ST18: variants seen among roughly 807,000 people sequenced by gnomAD.
ST18 encodes ST18 C2H2C-type zinc finger transcription factor.
In ST18, 50 loss-of-function variants were observed where a neutral mutation model predicts 110.0. The ratio of observed to expected loss-of-function variants is 0.45; its 90% CI spans 0.36 to 0.58. The LOEUF (loss-of-function observed/expected upper bound fraction) is 0.58. Ranked by LOEUF, ST18 falls within the 20% of genes least tolerant of loss-of-function variation. The pLI is 0.00. For synonymous variants in ST18, 461 were observed against 452.4 expected, an observed-to-expected ratio of 1.02 and a Z score of -0.24; for missense variants, 1,306 against 1,280.1, an observed-to-expected ratio of 1.02 and a Z score of -0.31.
chr8:52,339,952 G>A (rs1814100285), intron 2 of ST18, among the ~76,000 whole-genome samples: 1 of 152,190 alleles, frequency 6.6e-6, no homozygotes. Flanking sequence ...TACCACTGCT[G>A]TTTTCCGTAA....
rs143222941 is a variant in ST18, at chr8:52,305,397, T to C, written c.-464-75320A>G. 7.1e-3 allele frequency among the ~76,000 whole-genome samples: 1,081 copies of C among 152,344 alleles called. 48 individuals carry two copies. Among genetic ancestry groups the C allele is most frequent in the Admixed American group, 0.062 (953 of 15,300 alleles). ...GCTGTCAGCCTCCTTGATCTTCTCC[T>C]TACCCTCATTCCTGTCTTGCTGTCA... On this transcript the variant is annotated intron_variant, in intron 2 of 25. Coordinates refer to ENST00000689386, the MANE Select transcript of ST18 (RefSeq NM_001352837.2).
rs545461784 is a variant in ST18 at position 52,143,029 on chromosome 8, G to A, written c.2069C>T (p.Ser690Phe). Residue 690 changes from serine to phenylalanine, a missense_variant, in exon 17 of 26, where the codon TCT (serine) becomes TTT (phenylalanine). Transcript: ENST00000689386. ...CTTTTTTTCCTCTAAATTTTCTAGAGAGCTCACTGGGTCTTTCTGGAAAAC... is the reference window on the plus strand; with the variant it reads ...CTTTTTTTCCTCTAAATTTTCTAGAAAGCTCACTGGGTCTTTCTGGAAAAC... The part of the protein sequence containing the change: ...EEEKEKDPVS[S>F]LENLEEKKFP... 35 of 1,610,548 alleles carry A rather than the reference G, an allele frequency of 2.2e-5. No individual in the cohort carries two copies. In the East Asian group the frequency reaches 7.1e-4, roughly 33 times the overall value.
At chr8:52,258,761 T>C (rs1024024419) in intron 2 of ST18, among the ~76,000 whole-genome samples, 2 of 152,182 alleles carry the variant, frequency 1.3e-5, no homozygotes, top group Non-Finnish European at 2.9e-5. Context: ...AACCCCAATA[T>C]AGAGTTGAAG....
At chr8:52,390,594 T>G (rs1243846359) in intron 2 of ST18, among the ~76,000 whole-genome samples, 2 of 152,202 alleles carry the variant, frequency 1.3e-5, no homozygotes, top group Non-Finnish European at 2.9e-5. Flanking sequence ...TTGCTTGCAT[T>G]GAGCACTGTA....
rs2058357141 is a variant in ST18 at position 52,149,881 on chromosome 8, T to G, written c.1903A>C (p.Thr635Pro). The change falls in exon 16 of 26, where the codon ACT (threonine) becomes CCT (proline). Residue 635 changes from threonine to proline, a missense_variant. Thr to Pro is a conservative substitution (Grantham distance 38). Transcript: ENST00000689386. ...GAAGAGGAAGGAGTTGGAATAGAAG[T>G]GTTAGAGGAAGTTAGGGGTGCAGAC... Reference protein sequence around the residue: ...DKSAPLTSSNTSIPTPSSSPF... With the variant: ...DKSAPLTSSNPSIPTPSSSPF... 6.2e-7 allele frequency: 1 copy of G among 1,613,970 alleles called. No homozygotes were observed. The highest frequency in any genetic ancestry group is 8.5e-7 in the Non-Finnish European group (1 of 1,180,016).
chr8:52,170,517 C>T (rs1466982310), intron 10 of ST18, among the ~76,000 whole-genome samples: 1 of 151,620 alleles, frequency 6.6e-6, no homozygotes, highest in East Asian at 1.9e-4. Context: ...AATGATATCT[C>T]TTAAGATCAA....
chr8:52,118,036 A>C (rs949080837), intron 24 of ST18, among the ~76,000 whole-genome samples: 2 of 152,172 alleles, frequency 1.3e-5, no homozygotes, highest in Non-Finnish European at 2.9e-5. Flanking sequence ...CCTTTCCATC[A>C]CATTTTTTTT....
chr8:52,407,989 A>C (rs546440589), intron 2 of ST18: 9 of 152,112 alleles, frequency 5.9e-5, no homozygotes, highest in Non-Finnish European at 1.3e-4. Flanking sequence ...AGGTTTTTTT[A>C]ATTTGGAATT....
intron 2 of ST18, among the ~76,000 whole-genome samples, chr8:52,373,887 AG>A (rs1394800361): frequency 6.6e-6 from 1 of 152,126 alleles, no homozygotes; most frequent in Non-Finnish European, 1.5e-5. Flanking sequence ...CTATAAATTC[AG>A]GAGCACGCAT....
intron 2 of ST18, among the ~76,000 whole-genome samples, chr8:52,401,272 C>G (rs945093718): frequency 1.3e-5 from 2 of 152,064 alleles, no homozygotes; most frequent in Non-Finnish European, 2.9e-5. Flanking sequence ...TCTTTGATTT[C>G]TGACATTTTT....
intron 8 of ST18, among the ~76,000 whole-genome samples, chr8:52,207,524 T>C (rs896861092): frequency 2.6e-5 from 4 of 152,088 alleles, no homozygotes; most frequent in Admixed American, 6.5e-5. Flanking sequence ...ATTAAATAAA[T>C]CTATAATTGA....
chr8:52,196,374 G>A (rs1383525339), intron 8 of ST18, among the ~76,000 whole-genome samples: 1 of 152,182 alleles, frequency 6.6e-6, no homozygotes, highest in Non-Finnish European at 1.5e-5. Flanking sequence ...CATGAATGAT[G>A]CAGAAGCTTC....
At chr8:52,220,140 G>A (rs1274553843) in intron 5 of ST18, among the ~76,000 whole-genome samples, 1 of 152,098 alleles carries the variant, frequency 6.6e-6, no homozygotes, top group Non-Finnish European at 1.5e-5. Flanking sequence ...CCAGATTAAA[G>A]AAAACTCAGG....
intron 2 of ST18, among the ~76,000 whole-genome samples, chr8:52,264,289 T>C (rs2094798651): frequency 6.6e-6 from 1 of 152,216 alleles, no homozygotes; most frequent in Non-Finnish European, 1.5e-5. Flanking sequence ...AGAGATGCCT[T>C]CTTCTTATCA....
At chr8:52,229,883 A>C (rs951429815) in intron 3 of ST18, 149 bp downstream of exon 3, 1 of 152,310 alleles carries the variant, frequency 6.6e-6, no homozygotes, top group Non-Finnish European at 1.5e-5. Context: ...CCAAATTACC[A>C]TGAGGATGCC....
At chr8:52,244,580 C>T (rs930452657) in intron 2 of ST18, among the ~76,000 whole-genome samples, 1 of 152,138 alleles carries the variant, frequency 6.6e-6, no homozygotes, top group Non-Finnish European at 1.5e-5. Context: ...AAATAACTTC[C>T]TCTACCATTA....
chr8:52,340,287 A>G (rs559021604), intron 2 of ST18, among the ~76,000 whole-genome samples: 1 of 152,364 alleles, frequency 6.6e-6, no homozygotes, highest in African/African-American at 2.4e-5. Flanking sequence ...TCCCATCAAT[A>G]CCAGACCAAC....
intron 2 of ST18, among the ~76,000 whole-genome samples, chr8:52,386,475 A>G (rs1026729530): frequency 2.6e-5 from 4 of 151,836 alleles, no homozygotes; most frequent in African/African-American, 9.7e-5. Context: ...TTTTCTTAAA[A>G]AAAAAAAAGA....
chr8:52,290,885 G>A (rs1464291565), intron 2 of ST18, among the ~76,000 whole-genome samples: 1 of 151,910 alleles, frequency 6.6e-6, no homozygotes, highest in Admixed American at 6.6e-5. Flanking sequence ...TTCTCTTCTC[G>A]CCTTAGGGCT....
Sources: gnomAD v4.1 joint callset for allele counts (sites outside exome capture counted in the v4.1 genomes callset) on GRCh38, gnomAD v4.1.1 for gene constraint, MANE v1.5 for transcripts, NCBI Gene and HGNC (gene_info 2026-07-23, HGNC 2026-07-21) for gene names.